PGM1: variants seen among roughly 807,000 people sequenced by gnomAD.
The protein encoded by PGM1 is phosphoglucomutase-1.
PGM1 carries 52 observed loss-of-function variants against 55.6 expected under a neutral mutation model. The ratio of observed to expected loss-of-function variants is 0.94; its 90% confidence interval spans 0.75 to 1.18. PGM1 has a LOEUF of 1.18. PGM1 is among the 50% of genes most tolerant of loss of function. PGM1 has a pLI of 0.00. For missense variants in PGM1, 724 were observed against 729.3 expected, an observed-to-expected ratio of 0.99 and a Z score of 0.08; for synonymous variants, 287 against 271.7, an observed-to-expected ratio of 1.06 and a Z score of -0.55.
chr1:63,607,766 G>T (rs1214839674), intron 1 of PGM1, among the ~76,000 whole-genome samples: 1 of 152,180 alleles, frequency 6.6e-6, no homozygotes, highest in East Asian at 1.9e-4. Flanking sequence ...AGTGATGCGT[G>T]TAGTGCTCAA....
intron 6 of PGM1, among the ~76,000 whole-genome samples, chr1:63,636,735 T>C (rs1357692697): frequency 6.6e-6 from 1 of 152,166 alleles, no homozygotes; most frequent in Non-Finnish European, 1.5e-5. Context: ...TGGCACATAG[T>C]AGGACAAACA....
Position 63,593,643 on chromosome 1 carries a change from G to C in PGM1, c.155G>C (p.Arg52Pro), listed in dbSNP as rs377179134. ...ATCTCCACCGTGGAGCCGGCGCAGC[G>C]GCAGGAGGCCACGCTGGTGGTGGGC... ...SIISTVEPAQ[R>P]QEATLVVGGD... Residue 52 changes from arginine (R) to proline (P), a missense_variant, in exon 1 of 11, where the codon CGG becomes CCG. Physicochemically the swap from Arg to Pro is moderately radical, Grantham distance 103. Coordinates refer to ENST00000371084, the MANE Select transcript of PGM1 (RefSeq NM_002633.3). The C allele has an allele frequency of 1.2e-6, 2 of 1,611,194 alleles. No homozygotes were observed. The highest frequency in any genetic ancestry group is 1.7e-4 in the Middle Eastern group (1 of 6,052).
At chr1:63,619,201 T>C (rs72681116) in intron 1 of PGM1, among the ~76,000 whole-genome samples, 3,445 of 152,338 alleles carry the variant, frequency 0.023, 68 homozygotes, top group Middle Eastern at 0.044. Flanking sequence ...CATTTGCTCA[T>C]GGCCTGGAGT....
intron 7 of PGM1, among the ~76,000 whole-genome samples, chr1:63,647,259 CATATATATATATATAT>C (rs55760196): frequency 0.01 from 575 of 55,370 alleles, 23 homozygotes; most frequent in Non-Finnish European, 0.013. Context: ...TAAAATTTTA[CATATATATATATATAT>C]ATATATATAT....
chr1:63,599,687 C>T (rs369904637), intron 1 of PGM1, among the ~76,000 whole-genome samples: 3 of 152,162 alleles, frequency 2.0e-5, no homozygotes, highest in Admixed American at 6.5e-5. Flanking sequence ...CTACTTGAGA[C>T]ACTGAGGTAG....
intron 1 of PGM1, among the ~76,000 whole-genome samples, chr1:63,614,341 G>A (rs1219661962): frequency 1.3e-5 from 2 of 152,060 alleles, no homozygotes; most frequent in Non-Finnish European, 2.9e-5. Context: ...ACAGTCTAGG[G>A]GTTCCTAAAC....
chr1:63,641,505 T>C (rs1248227108), intron 7 of PGM1, among the ~76,000 whole-genome samples: 2 of 152,320 alleles, frequency 1.3e-5, no homozygotes, highest in East Asian at 3.9e-4. Flanking sequence ...TTTCTCAGGG[T>C]AGACATTAGT....
At chr1:63,656,582 G>A (rs1184589277) in intron 10 of PGM1, among the ~76,000 whole-genome samples, 3 of 143,814 alleles carry the variant, frequency 2.1e-5, no homozygotes. Context: ...GTGTGTGTGT[G>A]TGTGTGTGTG....
chr1:63,654,491 T>C, intron 10 of PGM1, 25 bp downstream of exon 10: 2 of 1,612,732 alleles, frequency 1.2e-6, no homozygotes, highest in Non-Finnish European at 1.7e-6. Flanking sequence ...TGTGCCCTGG[T>C]TAGTTCTTTC....
chr1:63,606,622 A>G (rs1362447692), intron 1 of PGM1, among the ~76,000 whole-genome samples: 1 of 152,138 alleles, frequency 6.6e-6, no homozygotes, highest in Non-Finnish European at 1.5e-5. Flanking sequence ...ATTAATCAAA[A>G]CTTAGCTAAG....
At chr1:63,635,153 A>G (rs954035789) in intron 5 of PGM1, 134 bp downstream of exon 5, 1 of 742,092 alleles carries the variant, frequency 1.3e-6, no homozygotes, top group African/African-American at 1.7e-5. Flanking sequence ...CGAGGTCAGA[A>G]CTAAATTATT....
chr1:63,622,586 A>G (rs1451828629), intron 1 of PGM1, among the ~76,000 whole-genome samples: 1 of 152,148 alleles, frequency 6.6e-6, no homozygotes, highest in Non-Finnish European at 1.5e-5. Context: ...AGAAAAACAT[A>G]TGTATATTTT....
intron 1 of PGM1, among the ~76,000 whole-genome samples, chr1:63,594,644 A>T (rs1570465192): frequency 6.6e-6 from 1 of 151,726 alleles, no homozygotes; most frequent in African/African-American, 2.4e-5. Flanking sequence ...AGTAAATCTG[A>T]TATATGGAAA....
At chr1:63,626,450 A>G (rs1368287157) in intron 1 of PGM1, among the ~76,000 whole-genome samples, 1 of 152,160 alleles carries the variant, frequency 6.6e-6, no homozygotes, top group African/African-American at 2.4e-5. Context: ...TAGTTACCTC[A>G]TAGAAGCAGA....
chr1:63,648,586 G>T lies in PGM1; in HGVS notation c.1214G>T (p.Arg405Leu). The T allele has an allele frequency of 1.2e-6, 2 of 1,613,952 alleles. No individual in the cohort carries two copies. Among genetic ancestry groups the T allele is most frequent in the Non-Finnish European group, 8.5e-7 (1 of 1,179,868 alleles). ...VLAWLSILATRKQSVEDILKD... is the reference protein window; with the variant it reads ...VLAWLSILATLKQSVEDILKD... Reference sequence around the variant, plus strand: ...GCCTGGCTCTCCATCCTAGCCACCCGCAAGCAGAGTGTGGAGGACATTCTC... The same window carrying T: ...GCCTGGCTCTCCATCCTAGCCACCCTCAAGCAGAGTGTGGAGGACATTCTC... Residue 405 changes from arginine (R) to leucine (L), a missense_variant, in exon 8 of 11, where the codon CGC (arginine) becomes CTC (leucine). Transcript: ENST00000371084.
intron 4 of PGM1, among the ~76,000 whole-genome samples, chr1:63,632,803 G>T (rs1386886740): frequency 1.3e-5 from 2 of 152,116 alleles, no homozygotes; most frequent in Admixed American, 6.6e-5. Flanking sequence ...ATGGGGTCAG[G>T]AGTTCAAGAC....
chr1:63,634,209 C>G lies in PGM1; in HGVS notation c.683-620C>G, dbSNP rs370524030. ...AAATGTCTTTACCTCAGAACACCAA[C>G]ATTCCAATGTATCTGTAAACTGCAG... On this transcript the variant is annotated intron_variant, in intron 4 of 10. Transcript: ENST00000371084. 1.8e-4 allele frequency among the ~76,000 whole-genome samples: 27 copies of G among 152,068 alleles called. No homozygotes were observed. The South Asian group carries it at 3.7e-3, about 21-fold the overall frequency.
At chr1:63,647,168 G>T (rs1649667001) in intron 7 of PGM1, among the ~76,000 whole-genome samples, 1 of 150,808 alleles carries the variant, frequency 6.6e-6, no homozygotes, top group Admixed American at 6.6e-5. Flanking sequence ...GCTTGAGCCT[G>T]GGGGGCAGAG....
rs779148960 is a variant in PGM1 at position 63,659,580 on chromosome 1, C to T, written c.1600-6C>T. 1.9e-6 allele frequency: 3 copies of T among 1,612,116 alleles called. No individual in the cohort carries two copies. Among genetic ancestry groups the T allele is most frequent in the Middle Eastern group, 1.7e-4 (1 of 6,050 alleles). ...ATGGAAAAGCTTCTCTCTATGTCTT[C>T]CTCAGGTCATGTTGGCCCCCCTTAT... On this transcript the variant is annotated splice_polypyrimidine_tract_variant and splice_region_variant and intron_variant, in intron 10 of 10. Coordinates refer to ENST00000371084, the MANE Select transcript of PGM1 (RefSeq NM_002633.3).
Sources: gnomAD v4.1 joint callset for allele counts (sites outside exome capture counted in the v4.1 genomes callset) on GRCh38, gnomAD v4.1.1 for gene constraint, MANE v1.5 for transcripts, NCBI Gene and HGNC (gene_info 2026-07-23, HGNC 2026-07-21) for gene names.